RBFOX2: variants seen among roughly 807,000 people sequenced by gnomAD.
RBFOX2 encodes RNA binding protein fox-1 homolog 2.
A neutral mutation model predicts 49.1 loss-of-function variants in RBFOX2; 10 were observed. The observed-to-expected ratio is 0.20, with a 90% CI of 0.13 to 0.35. The LOEUF is 0.35. Ranked by LOEUF, RBFOX2 falls within the 10% of genes least tolerant of loss-of-function variation. The pLI, the probability that RBFOX2 is intolerant of heterozygous loss-of-function variation, is 1.00. For synonymous variants in RBFOX2, 183 were observed against 187.4 expected, an observed-to-expected ratio of 0.98 and a Z score of 0.19; for missense variants, 323 against 486.9, an observed-to-expected ratio of 0.66 and a Z score of 3.17.
chr22:35,764,967 G>A (rs1940445387), intron 6 of RBFOX2, among the ~76,000 whole-genome samples: 2 of 152,000 alleles, frequency 1.3e-5, no homozygotes, highest in Non-Finnish European at 2.9e-5. Context: ...CTAGGGCTAA[G>A]GAGAGCAACA....
intron 1 of RBFOX2, among the ~76,000 whole-genome samples, chr22:36,002,646 C>CG (rs925982411): frequency 1.3e-5 from 2 of 152,240 alleles, no homozygotes; most frequent in Admixed American, 6.5e-5. Context: ...GTTCTTGAGA[C>CG]GGAGTCTCAC....
chr22:35,807,397 C>T (rs1003619391), intron 2 of RBFOX2, among the ~76,000 whole-genome samples: 2 of 151,766 alleles, frequency 1.3e-5, no homozygotes, highest in African/African-American at 4.8e-5. Context: ...AAATTGAGAT[C>T]ATGTGAAGCG....
At position 35,819,737 on chromosome 22, in the gene RBFOX2, T is replaced by C. The variant is rs1168420434; in HGVS notation, c.28-9733A>G. Among the ~76,000 whole-genome samples, 4 of 152,220 alleles carry C rather than the reference T, an allele frequency of 2.6e-5. No homozygotes were observed. In the East Asian group the frequency reaches 7.7e-4, roughly 29 times the overall value. ...ACAAAGTCCCTGCCCTTATGGAGTTTACATTCTAGTAGGAAGAGACAAATA... is the reference window on the plus strand; with the variant it reads ...ACAAAGTCCCTGCCCTTATGGAGTTCACATTCTAGTAGGAAGAGACAAATA... On this transcript the variant is annotated intron_variant, in intron 1 of 11. Transcript: ENST00000405409.
At chr22:35,931,896 A>C (rs1372930700) in intron 1 of RBFOX2, among the ~76,000 whole-genome samples, 3 of 152,230 alleles carry the variant, frequency 2.0e-5, no homozygotes, top group African/African-American at 7.2e-5. Context: ...AGCAGAAATC[A>C]ATTTTGGTCA....
intron 1 of RBFOX2, among the ~76,000 whole-genome samples, chr22:35,951,410 T>C (rs930066106): frequency 6.6e-5 from 10 of 151,652 alleles, no homozygotes; most frequent in African/African-American, 2.4e-4. Flanking sequence ...CACACCCGGC[T>C]AATTCTGTAT....
intron 1 of RBFOX2, among the ~76,000 whole-genome samples, chr22:35,845,638 GAGTCATAC>G (rs2041086730): frequency 6.6e-6 from 1 of 152,114 alleles, no homozygotes; most frequent in Non-Finnish European, 1.5e-5. Context: ...CAGATAACTA[GAGTCATAC>G]ATACAACTGA....
rs371670442 is a variant in RBFOX2, at chr22:35,901,005, T to C, written c.-34+37842A>G. On this transcript the variant is annotated intron_variant, in intron 1 of 13. Coordinates refer to the RBFOX2 transcript ENST00000359369. Reference sequence around the variant, plus strand: ...CCTCTCCCACTTGCTGGTTTCAATGTAACACCACCAACCGCTACTATTTAC... The same window carrying C: ...CCTCTCCCACTTGCTGGTTTCAATGCAACACCACCAACCGCTACTATTTAC... 6.8e-4 allele frequency among the ~76,000 whole-genome samples: 103 copies of C among 152,326 alleles called. No individual in the cohort carries two copies. In the East Asian group the frequency reaches 8.9e-3, roughly 13 times the overall value.
chr22:35,752,612 C>T (rs1264383775), intron 9 of RBFOX2: 9 of 982,548 alleles, frequency 9.2e-6, no homozygotes, highest in Non-Finnish European at 9.7e-6. Context: ...GGCACTCCTA[C>T]CTGAGGTATT....
Position 35,746,006 on chromosome 22 carries a change from G to C in RBFOX2, c.977-11C>G. 6.2e-7 allele frequency: 1 copy of C among 1,608,028 alleles called. No individual in the cohort carries two copies. The highest frequency in any genetic ancestry group is 1.1e-5 in the South Asian group (1 of 90,846). On this transcript the variant is annotated splice_polypyrimidine_tract_variant and intron_variant, in intron 10 of 11. Coordinates refer to ENST00000405409, the Ensembl canonical transcript of RBFOX2. ...TACACCCTGCCATAACTGGAAAGAAGAAACACAATCAGACAGATAAAGAAA... is the reference window on the plus strand; with the variant it reads ...TACACCCTGCCATAACTGGAAAGAACAAACACAATCAGACAGATAAAGAAA...
At chr22:35,822,900 C>T (rs1247965245) in intron 1 of RBFOX2, 49 of 378,676 alleles carry the variant, frequency 1.3e-4, no homozygotes, top group Non-Finnish European at 2.0e-4. Flanking sequence ...TCCTAGCTCA[C>T]TGCAACTTCC....
At chr22:35,819,698 C>A (rs1030901923) in intron 1 of RBFOX2, among the ~76,000 whole-genome samples, 1 of 152,002 alleles carries the variant, frequency 6.6e-6, no homozygotes, top group South Asian at 2.1e-4. Flanking sequence ...GATGAAACAA[C>A]GATGATTAAA....
chr22:35,769,423 C>T (rs956492118), intron 4 of RBFOX2, among the ~76,000 whole-genome samples: 5 of 152,160 alleles, frequency 3.3e-5, no homozygotes, highest in Non-Finnish European at 7.4e-5. Context: ...CCGATGTTCA[C>T]GTACTACCAA....
intron 1 of RBFOX2, among the ~76,000 whole-genome samples, chr22:35,874,114 G>A (rs547322318): frequency 6.6e-6 from 1 of 152,342 alleles, no homozygotes; most frequent in South Asian, 2.1e-4. Context: ...TGATGAATTA[G>A]ATGCTTTAGT....
chr22:35,975,941 A>G (rs548622621), intron 1 of RBFOX2, among the ~76,000 whole-genome samples: 1 of 152,336 alleles, frequency 6.6e-6, no homozygotes, highest in South Asian at 2.1e-4. Context: ...AAGAATAACA[A>G]AAACATATGC....
At chr22:35,843,665 T>C (rs2040801962), upstream of RBFOX2, among the ~76,000 whole-genome samples, 1 of 152,226 alleles carries the variant, frequency 6.6e-6, no homozygotes, top group South Asian at 2.1e-4. Context: ...CTTTCCTCTT[T>C]CCCTGTTCAC....
intron 2 of RBFOX2, among the ~76,000 whole-genome samples, chr22:35,786,842 A>G (rs1369340372): frequency 6.6e-6 from 1 of 152,136 alleles, no homozygotes; most frequent in African/African-American, 2.4e-5. Context: ...AGGCAGCCCA[A>G]TTTCATATGT....
chr22:35,787,685 G>A (rs145447528), intron 2 of RBFOX2, among the ~76,000 whole-genome samples: 7 of 152,306 alleles, frequency 4.6e-5, no homozygotes, highest in African/African-American at 1.4e-4. Flanking sequence ...GTGAAAAGTG[G>A]ACAGTTAAAA....
At chr22:35,756,270 G>GCCT in intron 9 of RBFOX2, 126 bp from the exon 11 acceptor site, 1 of 721,444 alleles carries the variant, frequency 1.4e-6, no homozygotes, top group South Asian at 5.9e-5. Flanking sequence ...TACATAACCT[G>GCCT]GGCTTGGGGC....
chr22:35,870,719 G>A (rs1365864671), intron 1 of RBFOX2, among the ~76,000 whole-genome samples: 1 of 152,106 alleles, frequency 6.6e-6, no homozygotes, highest in Non-Finnish European at 1.5e-5. Flanking sequence ...CTGACTCCCA[G>A]TCATTTGAAC....
Sources: gnomAD v4.1 joint callset for allele counts (sites outside exome capture counted in the v4.1 genomes callset) on GRCh38, gnomAD v4.1.1 for gene constraint, MANE v1.5 for transcripts, NCBI Gene and HGNC (gene_info 2026-07-23, HGNC 2026-07-21) for gene names.